The following MINK1 variants were observed in gnomAD, a reference collection of about 807,000 sequenced individuals.
MINK1 encodes the protein misshapen-like kinase 1.
Under a neutral mutation model 178.4 loss-of-function variants are expected in MINK1, and 46 were observed. The observed-to-expected ratio is 0.26, with a 90% CI of 0.20 to 0.33. The LOEUF (loss-of-function observed/expected upper bound fraction) is 0.33. Ranked by LOEUF, MINK1 falls within the 10% of genes least tolerant of loss-of-function variation. The pLI is 1.00. For synonymous variants in MINK1, 797 were observed against 709.7 expected, an observed-to-expected ratio of 1.12 and a Z score of -1.96; for missense variants, 1,366 against 1,814.9, an observed-to-expected ratio of 0.75 and a Z score of 4.49.
chr17:4,845,083 T>A (rs1219753894), intron 1 of MINK1, among the ~76,000 whole-genome samples: 2 of 152,158 alleles, frequency 1.3e-5, no homozygotes, highest in Non-Finnish European at 2.9e-5. Flanking sequence ...TGTGCAGAGT[T>A]GAGCAGAGGG....
At position 4,890,993 on chromosome 17, in the gene MINK1, T is replaced by C. The variant is rs774926700; in HGVS notation, c.1609T>C (p.Leu537=). Reference sequence around the variant, plus strand: ...GATGAACAAGCAGCAGAACTCTCCCTTGGCCAAGAGCAAGCCAGGCAGCAC... The same window carrying C: ...GATGAACAAGCAGCAGAACTCTCCCCTGGCCAAGAGCAAGCCAGGCAGCAC... ...TRMNKQQNSP[L]AKSKPGSTGP... is the part of the protein sequence containing the mutation. Residue 537 remains leucine, a synonymous_variant, in exon 15 of 32, where the codon TTG becomes CTG. Transcript: ENST00000355280. 10 of 1,560,596 alleles carry C rather than the reference T, an allele frequency of 6.4e-6. No individual in the cohort carries two copies. In the East Asian group the frequency reaches 2.2e-4, roughly 34 times the overall value.
intron 1 of MINK1, among the ~76,000 whole-genome samples, chr17:4,873,688 G>A (rs752378792): frequency 1.2e-4 from 16 of 138,136 alleles, no homozygotes; most frequent in African/African-American, 1.9e-4. Flanking sequence ...GCGCAATTTC[G>A]GCTCACTGCA....
intron 15 of MINK1, 112 bp downstream of exon 15, chr17:4,891,236 G>A (rs937794558): frequency 2.8e-5 from 31 of 1,090,650 alleles, no homozygotes; most frequent in African/African-American, 2.1e-4. Context: ...CTGCTCAGCC[G>A]TGAGCCAGGA....
chr17:4,894,646 GGACAGACC>G lies in MINK1; in HGVS notation c.2917+14_2917+21del. The G allele has an allele frequency of 1.3e-6, 2 of 1,582,668 alleles. No homozygotes were observed. The highest frequency in any genetic ancestry group is 1.7e-6 in the Non-Finnish European group (2 of 1,160,882). ...ATCCCCATCACAGGTGAGGACAGGAGGACAGACCTGCTGTGAGGCCAGGGTCCAGGGGC... is the reference window on the plus strand; with the variant it reads ...ATCCCCATCACAGGTGAGGACAGGAGTGCTGTGAGGCCAGGGTCCAGGGGC... On this transcript the variant is annotated intron_variant, in intron 24 of 31. Transcript: ENST00000355280. The surrounding 1 kb of genome is among the most constrained non-coding windows in gnomAD (Gnocchi z 4.1).
intron 1 of MINK1, among the ~76,000 whole-genome samples, chr17:4,868,076 T>C (rs1915310512): frequency 6.6e-6 from 1 of 151,534 alleles, no homozygotes; most frequent in South Asian, 2.1e-4. Flanking sequence ...TTCCAGGTTC[T>C]AGTGATTCTC....
At chr17:4,875,499 G>T (rs182581144) in intron 1 of MINK1, 3 of 453,750 alleles carry the variant, frequency 6.6e-6, no homozygotes, top group Non-Finnish European at 1.3e-5. Context: ...GAGGCCGTGC[G>T]CAGTGGCTCA....
chr17:4,856,918 G>A (rs913677506), intron 1 of MINK1: 2 of 165,146 alleles, frequency 1.2e-5, no homozygotes, highest in Non-Finnish European at 2.6e-5. Flanking sequence ...TCTTTACATC[G>A]TATTCTGTGA....
At chr17:4,847,068 C>T (rs1911147237) in intron 1 of MINK1, 1 of 435,298 alleles carries the variant, frequency 2.3e-6, no homozygotes, top group Non-Finnish European at 4.6e-6. Flanking sequence ...CTGTCCTGGC[C>T]TCATAACCTC....
At chr17:4,892,260 G>T in intron 17 of MINK1, 26 bp downstream of exon 17, 1 of 1,549,142 alleles carries the variant, frequency 6.5e-7, no homozygotes, top group East Asian at 2.4e-5. Flanking sequence ...GGCAACGCCT[G>T]GGTGAGGTCT....
Position 4,891,135 on chromosome 17 carries a change from C to G in MINK1, c.1740+11C>G. ...GAGGGACCGCACAAGGTGAGTCTCT[C>G]CCCACCCCTGTCTTAATGAAGACAC... On this transcript the variant is annotated intron_variant, in intron 15 of 31. Transcript: ENST00000355280. The G allele has an allele frequency of 2.7e-6, 4 of 1,502,556 alleles. No homozygotes were observed. The highest frequency in any genetic ancestry group is 3.6e-6 in the Non-Finnish European group (4 of 1,126,402). 93.1% of individuals were successfully genotyped at this position (1,502,556 alleles called of 1,614,324 possible).
chr17:4,891,584 C>T lies in MINK1; in HGVS notation c.1869C>T (p.Ile623=). ...FPASHDPDPA[I]PAPTATPSAR... The stretch of plus-strand genomic sequence containing the variant: ...CCTCCCATGACCCCGACCCTGCCAT[C>T]CCCGCACCCACTGCCACGCCCAGTG... Residue 623 remains isoleucine, a synonymous_variant, in exon 16 of 32, where the codon ATC becomes ATT. Coordinates refer to ENST00000355280, the MANE Select transcript of MINK1 (RefSeq NM_153827.5). The T allele has an allele frequency of 6.2e-7, 1 of 1,605,820 alleles. No homozygotes were observed.
chr17:4,857,754 C>T (rs1401820117), intron 1 of MINK1, among the ~76,000 whole-genome samples: 7 of 152,072 alleles, frequency 4.6e-5, no homozygotes, highest in African/African-American at 9.7e-5. Flanking sequence ...AGGGGTGAGC[C>T]ACCGCGCCCA....
intron 1 of MINK1, among the ~76,000 whole-genome samples, chr17:4,855,660 C>A (rs1353053611): frequency 2.0e-5 from 3 of 149,898 alleles, no homozygotes; most frequent in Non-Finnish European, 4.4e-5. Flanking sequence ...GTCCCAGCTA[C>A]TCGGGAGGCT....
At position 4,896,209 on chromosome 17, in the gene MINK1, C is replaced by T. The variant is rs777859624; in HGVS notation, c.3482C>T (p.Pro1161Leu). Residue 1161 changes from proline (P) to leucine (L), a missense_variant, in exon 29 of 32, where the codon CCC becomes CTC. This residue lies in a region of MINK1 where 201 missense variants were observed against 240.7 expected (regional missense o/e 0.84). Transcript: ENST00000355280. This position sits in a 1 kb window ranked among gnomAD's most constrained non-coding sequence, Gnocchi z 4.6. ...FMAFKSFADL[P>L]HRPLLVDLTV... Reference sequence around the variant, plus strand: ...TCTCTGCAGTCCTTTGCCGACCTCCCCCACCGCCCTCTGCTGGTCGACCTG... The same window carrying T: ...TCTCTGCAGTCCTTTGCCGACCTCCTCCACCGCCCTCTGCTGGTCGACCTG... 29 of 1,598,384 alleles carry T rather than the reference C, an allele frequency of 1.8e-5. No individual in the cohort carries two copies. Among genetic ancestry groups the T allele is most frequent in the Non-Finnish European group, 2.4e-5 (28 of 1,171,798 alleles).
chr17:4,880,736 A>G (rs1349049852), intron 2 of MINK1, among the ~76,000 whole-genome samples: 1 of 151,472 alleles, frequency 6.6e-6, no homozygotes, highest in Non-Finnish European at 1.5e-5. Flanking sequence ...CATCTCTACT[A>G]AAAATACAAA....
At position 4,895,560 on chromosome 17, in the gene MINK1, C is replaced by T. The variant is rs1969359945; in HGVS notation, c.3229+67C>T. The T allele has an allele frequency of 1.9e-6, 3 of 1,550,252 alleles. No homozygotes were observed. The highest frequency in any genetic ancestry group is 2.6e-6 in the Non-Finnish European group (3 of 1,144,818). Reference sequence around the variant, plus strand: ...CCTTGGCGCTGTCACCATCTTCTGCCTGGGAGGAGGGCAGGCACTGGAAGG... The same window carrying T: ...CCTTGGCGCTGTCACCATCTTCTGCTTGGGAGGAGGGCAGGCACTGGAAGG... On this transcript the variant is annotated intron_variant, in intron 26 of 31. Transcript: ENST00000355280. The surrounding 1 kb of genome is among the most constrained non-coding windows in gnomAD (Gnocchi z 4.3).
rs775294031 is a variant in MINK1, at chr17:4,896,127, C to G, written c.3465+24C>G. 6.2e-7 allele frequency: 1 copy of G among 1,606,818 alleles called. No individual in the cohort carries two copies. The highest frequency in any genetic ancestry group is 8.5e-7 in the Non-Finnish European group (1 of 1,176,538). Reference sequence around the variant, plus strand: ...AGGTAATCCCAGCCTCGGTCCCTAACACCATCTGGAGTCCCAGCGCCTCTC... The same window carrying G: ...AGGTAATCCCAGCCTCGGTCCCTAAGACCATCTGGAGTCCCAGCGCCTCTC... On this transcript the variant is annotated intron_variant, in intron 28 of 31. Transcript: ENST00000355280. This position sits in a 1 kb window ranked among gnomAD's most constrained non-coding sequence, Gnocchi z 4.6.
rs200851186 is a variant in MINK1, at chr17:4,887,219, G to T, written c.1019+40G>T. 4 of 1,549,668 alleles carry T rather than the reference G, an allele frequency of 2.6e-6. No homozygotes were observed. The Admixed American group carries it at 7.6e-5, about 29-fold the overall frequency. ...TGGAGTGGGGGTTGGGGCGGTCATC[G>T]CTGAGTGGGGGGACTACAGTGGTGC... On this transcript the variant is annotated intron_variant, in intron 11 of 31. Transcript: ENST00000355280. The surrounding 1 kb of genome is among the most constrained non-coding windows in gnomAD (Gnocchi z 7.6).
rs1332832147 is a variant in MINK1 at position 4,887,451 on chromosome 17, C to A, written c.1020-129C>A. Reference sequence around the variant, plus strand: ...CAGAAGGGGACGGTAAGTCTCCTGGCCACCTGGGAGTGGCCAGAGGCAGAG... The same window carrying A: ...CAGAAGGGGACGGTAAGTCTCCTGGACACCTGGGAGTGGCCAGAGGCAGAG... On this transcript the variant is annotated intron_variant, in intron 11 of 31. Coordinates refer to ENST00000355280, the MANE Select transcript of MINK1 (RefSeq NM_153827.5). This position sits in a 1 kb window ranked among gnomAD's most constrained non-coding sequence, Gnocchi z 7.6. 1.1e-6 allele frequency: 1 copy of A among 906,170 alleles called. No individual in the cohort carries two copies. Among genetic ancestry groups the A allele is most frequent in the Non-Finnish European group, 1.7e-6 (1 of 604,528 alleles). 56.1% of individuals were successfully genotyped at this position (906,170 alleles called of 1,614,324 possible).
Sources: gnomAD v4.1 joint callset for allele counts (sites outside exome capture counted in the v4.1 genomes callset) on GRCh38, gnomAD v4.1.1 for gene constraint, gnomAD v4.1.1 regional missense constraint, Gnocchi (gnomAD v3.1) non-coding constraint, MANE v1.5 for transcripts, NCBI Gene and HGNC (gene_info 2026-07-23, HGNC 2026-07-21) for gene names.